AFAP1: variants seen among roughly 807,000 people sequenced by gnomAD.
The protein encoded by AFAP1 is actin filament associated protein 1.
In AFAP1, 75 loss-of-function variants were observed where a neutral mutation model predicts 93.9. The observed-to-expected ratio is 0.80, with a 90% CI of 0.66 to 0.97. The LOEUF is 0.97. AFAP1 is among the 50% of genes least tolerant of loss of function. The probability of loss-of-function intolerance (pLI) is 0.00; values close to 1 mark genes in which losing one functional copy is unlikely to be tolerated. For synonymous variants in AFAP1, 517 were observed against 430.7 expected, an observed-to-expected ratio of 1.20 and a Z score of -2.48; for missense variants, 1,201 against 1,050.8, an observed-to-expected ratio of 1.14 and a Z score of -1.98.
intron 8 of AFAP1, among the ~76,000 whole-genome samples, chr4:7,810,197 C>T (rs930472539): frequency 1.3e-5 from 2 of 152,194 alleles, no homozygotes; most frequent in Non-Finnish European, 2.9e-5. Flanking sequence ...GCACTTGCTA[C>T]GTGCTGGCTG....
At chr4:7,820,604 G>C (rs1286865725) in intron 6 of AFAP1, among the ~76,000 whole-genome samples, 1 of 152,178 alleles carries the variant, frequency 6.6e-6, no homozygotes, top group Non-Finnish European at 1.5e-5. Context: ...AGGGAGATGA[G>C]CCGAGAGAGA....
intron 6 of AFAP1, among the ~76,000 whole-genome samples, chr4:7,833,937 A>G (rs954243522): frequency 1.3e-5 from 2 of 152,098 alleles, no homozygotes; most frequent in African/African-American, 4.8e-5. Context: ...CAATCAGGCA[A>G]TCCCACTACT....
intron 1 of AFAP1, among the ~76,000 whole-genome samples, chr4:7,894,631 A>G (rs1577341109): frequency 6.6e-6 from 1 of 152,152 alleles, no homozygotes; most frequent in South Asian, 2.1e-4. Flanking sequence ...TGTCTGCCCC[A>G]CCAACCACCA....
chr4:7,892,881 G>A (rs1718551840), intron 1 of AFAP1, among the ~76,000 whole-genome samples: 1 of 152,128 alleles, frequency 6.6e-6, no homozygotes, highest in South Asian at 2.1e-4. Context: ...GAAAAAGGCG[G>A]ATGAAAATAC....
At chr4:7,891,524 A>C (rs779788054) in intron 1 of AFAP1, among the ~76,000 whole-genome samples, 8 of 152,176 alleles carry the variant, frequency 5.3e-5, no homozygotes, top group Non-Finnish European at 1.2e-4. Context: ...CTTAGGTAAT[A>C]ATAGCATCAG....
intron 12 of AFAP1, among the ~76,000 whole-genome samples, chr4:7,784,917 G>A: frequency 6.6e-6 from 1 of 152,132 alleles, no homozygotes; most frequent in East Asian, 1.9e-4. Flanking sequence ...GGAAAAGAAT[G>A]GAGAATCAAA....
intron 3 of AFAP1, among the ~76,000 whole-genome samples, 181 bp downstream of exon 3, chr4:7,868,441 A>G (rs1051539039): frequency 1.3e-5 from 2 of 152,224 alleles, no homozygotes; most frequent in African/African-American, 2.4e-5. Context: ...GGCTACACCT[A>G]GAGTCTACCA....
chr4:7,929,642 C>G (rs989476791), intron 1 of AFAP1, among the ~76,000 whole-genome samples: 1 of 152,238 alleles, frequency 6.6e-6, no homozygotes, highest in African/African-American at 2.4e-5. Context: ...TGGAGCCACA[C>G]TGTCCCAGCC....
At chr4:7,863,602 G>C (rs991187467) in intron 3 of AFAP1, among the ~76,000 whole-genome samples, 4 of 152,142 alleles carry the variant, frequency 2.6e-5, no homozygotes, top group African/African-American at 4.8e-5. Flanking sequence ...AGAAGTTCAA[G>C]ATTTCCACAC....
chr4:7,778,838 G>A lies in AFAP1; in HGVS notation c.1821C>T (p.Val607=), dbSNP rs1716435018. Residue 607 remains valine, a synonymous_variant, in exon 14 of 18, where the codon GTC becomes GTT. Transcript: ENST00000420658. ...GKKPPVASNG[V]TGKGKTLSSQ... Reference sequence around the variant, plus strand: ...TGCTCAGAGTCTTCCCTTTTCCTGTGACCCCATTAGACGCCACGGGGGGCT... The same window carrying A: ...TGCTCAGAGTCTTCCCTTTTCCTGTAACCCCATTAGACGCCACGGGGGGCT... 3 of 1,613,998 alleles carry A rather than the reference G, an allele frequency of 1.9e-6. No homozygotes were observed. The highest frequency in any genetic ancestry group is 1.7e-5 in the Admixed American group (1 of 60,000).
chr4:7,764,724 CTGGGCAG>C (rs1414091932), intron 17 of AFAP1, among the ~76,000 whole-genome samples: 16 of 152,208 alleles, frequency 1.1e-4, no homozygotes, highest in Admixed American at 1.0e-3. Context: ...ACAGTGGGCA[CTGGGCAG>C]GCACTGTGCC....
At position 7,902,135 on chromosome 4, in the gene AFAP1, A is replaced by T. The variant is rs181893378; in HGVS notation, c.-2-30055T>A. Among the ~76,000 whole-genome samples the T allele has an allele frequency of 2.7e-4, 41 of 152,300 alleles. 2 individuals are homozygous for T. The South Asian group carries it at 4.6e-3, about 17-fold the overall frequency. On this transcript the variant is annotated intron_variant, in intron 1 of 17. Transcript: ENST00000420658. Reference sequence around the variant, plus strand: ...CAACAACCCGTCTTCTCTGACTGCAATAGGAGCAATCTTTCTGAGCTCAGG... The same window carrying T: ...CAACAACCCGTCTTCTCTGACTGCATTAGGAGCAATCTTTCTGAGCTCAGG...
chr4:7,901,031 T>C (rs1719085536), intron 1 of AFAP1, among the ~76,000 whole-genome samples: 1 of 152,232 alleles, frequency 6.6e-6, no homozygotes, highest in Non-Finnish European at 1.5e-5. Flanking sequence ...GCGCAGATTT[T>C]AGGACTGCTC....
intron 1 of AFAP1, among the ~76,000 whole-genome samples, chr4:7,904,503 G>A (rs1472855550): frequency 6.6e-6 from 1 of 152,086 alleles, no homozygotes; most frequent in Non-Finnish European, 1.5e-5. Context: ...GCACTCACGA[G>A]GTGCCAGGCT....
chr4:7,790,674 A>G (rs964289604), intron 11 of AFAP1, among the ~76,000 whole-genome samples: 1 of 148,422 alleles, frequency 6.7e-6, no homozygotes, highest in African/African-American at 2.6e-5. Context: ...AACACTTTAA[A>G]TGTGCTTTCT....
intron 1 of AFAP1, among the ~76,000 whole-genome samples, chr4:7,890,732 C>G (rs1260556884): frequency 1.3e-5 from 2 of 152,124 alleles, no homozygotes; most frequent in Non-Finnish European, 2.9e-5. Flanking sequence ...AAATTAAAAT[C>G]ACAATGAGAT....
chr4:7,860,663 G>A (rs1003316202), intron 3 of AFAP1, among the ~76,000 whole-genome samples: 4 of 152,122 alleles, frequency 2.6e-5, no homozygotes, highest in African/African-American at 7.2e-5. Context: ...GAGTGGGCAC[G>A]GCCTGCTGAC....
At position 7,759,229 on chromosome 4, in the gene AFAP1, T is replaced by C. The variant is rs372683455; in HGVS notation, c.*4536A>G. 5.9e-5 allele frequency: 9 copies of C among 152,686 alleles called. No homozygotes were observed. Among genetic ancestry groups the C allele is most frequent in the Admixed American group, 3.9e-4 (6 of 15,290 alleles). 9.5% of individuals were successfully genotyped at this position (152,686 alleles called of 1,614,324 possible). ...AAAACACCTTTGGTCCTAAGACTTATGATCTGAAGATGTCCTTTTGAAAGT... is the reference window on the plus strand; with the variant it reads ...AAAACACCTTTGGTCCTAAGACTTACGATCTGAAGATGTCCTTTTGAAAGT... On this transcript the variant is annotated 3_prime_UTR_variant, in exon 18 of 18. Coordinates refer to ENST00000420658, the MANE Select transcript of AFAP1 (RefSeq NM_001134647.2).
chr4:7,801,730 T>C (rs6852990), intron 9 of AFAP1, among the ~76,000 whole-genome samples: 29,010 of 150,874 alleles, frequency 0.19, 3,217 homozygotes, highest in African/African-American at 0.3. Context: ...GCCTCAAAAA[T>C]GTCACACATA....
Sources: gnomAD v4.1 joint callset for allele counts (sites outside exome capture counted in the v4.1 genomes callset) on GRCh38, gnomAD v4.1.1 for gene constraint, MANE v1.5 for transcripts, NCBI Gene and HGNC (gene_info 2026-07-23, HGNC 2026-07-21) for gene names.